The following ERG variants were observed in gnomAD, a reference collection of about 807,000 sequenced individuals.
The protein encoded by ERG is transcriptional regulator ERG.
A neutral mutation model predicts 55.3 loss-of-function variants in ERG; 9 were observed. The ratio of observed to expected loss-of-function variants is 0.16; its 90% confidence interval spans 0.10 to 0.28. The LOEUF (loss-of-function observed/expected upper bound fraction) is 0.28. ERG is among the 10% of genes least tolerant of loss of function. ERG has a pLI of 1.00. For synonymous variants in ERG, 223 were observed against 237.3 expected (o/e 0.94, Z 0.55); for missense variants, 434 against 631.6 (o/e 0.69, Z 3.35).
intron 1 of ERG, among the ~76,000 whole-genome samples, chr21:38,623,617 G>C (rs905349284): frequency 6.6e-6 from 1 of 152,204 alleles, no homozygotes; most frequent in African/African-American, 2.4e-5. Flanking sequence ...GTGTGTGTTA[G>C]TTTGTTGCAG....
chr21:38,429,405 ACATACG>A (rs1185238409), intron 2 of ERG, among the ~76,000 whole-genome samples: 2 of 140,060 alleles, frequency 1.4e-5, no homozygotes, highest in African/African-American at 5.1e-5. Context: ...ATACACATGT[ACATACG>A]CACATATAAA....
At chr21:38,602,323 T>C (rs1158894956) in intron 1 of ERG, among the ~76,000 whole-genome samples, 1 of 151,940 alleles carries the variant, frequency 6.6e-6, no homozygotes, top group Non-Finnish European at 1.5e-5. Flanking sequence ...TGGGTGCCTG[T>C]AGTCCCAGCT....
chr21:38,403,481 A>C, intron 4 of ERG, 25 bp downstream of exon 4: 1 of 1,610,184 alleles, frequency 6.2e-7, no homozygotes. Context: ...ACAGCCATCT[A>C]TCCTTGGAGG....
intron 1 of ERG, among the ~76,000 whole-genome samples, chr21:38,650,671 G>GTT (rs2060483726): frequency 6.6e-6 from 1 of 152,098 alleles, no homozygotes; most frequent in South Asian, 2.1e-4. Flanking sequence ...GAGTGGCATA[G>GTT]TTAAAAGGGT....
At chr21:38,637,584 A>G (rs1376379732) in intron 1 of ERG, among the ~76,000 whole-genome samples, 1 of 152,188 alleles carries the variant, frequency 6.6e-6, no homozygotes, top group African/African-American at 2.4e-5. Context: ...GCTACTGTCT[A>G]CAGGATCCTA....
intron 2 of ERG, among the ~76,000 whole-genome samples, chr21:38,572,193 A>AG (rs34049970): frequency 3.6e-4 from 1 of 2,786 alleles, no homozygotes. Flanking sequence ...CGTCTCTACT[A>AG]AAAAAAAAAA....
intron 1 of ERG, among the ~76,000 whole-genome samples, chr21:38,649,043 C>G (rs2060473368): frequency 6.6e-6 from 1 of 152,164 alleles, no homozygotes; most frequent in Non-Finnish European, 1.5e-5. Flanking sequence ...CCTGAATCCA[C>G]CCACACATCT....
At chr21:38,640,898 G>C (rs1368635028) in intron 1 of ERG, among the ~76,000 whole-genome samples, 5 of 152,302 alleles carry the variant, frequency 3.3e-5, no homozygotes, top group Admixed American at 6.5e-5. Context: ...GCAGAGAACT[G>C]CTATTTTTCA....
At chr21:38,623,222 C>T (rs766735474) in intron 1 of ERG, among the ~76,000 whole-genome samples, 49 of 150,836 alleles carry the variant, frequency 3.2e-4, no homozygotes, top group African/African-American at 7.3e-5. Context: ...ACACATCACA[C>T]ACACACAGAC....
chr21:38,431,074 T>A (rs1335535870), intron 2 of ERG, among the ~76,000 whole-genome samples: 6 of 152,220 alleles, frequency 3.9e-5, no homozygotes, highest in Non-Finnish European at 8.8e-5. Context: ...GTTGGAGAAT[T>A]AAGTTCTAAT....
chr21:38,520,207 A>C (rs868401835), intron 2 of ERG, among the ~76,000 whole-genome samples: 1 of 152,272 alleles, frequency 6.6e-6, no homozygotes, highest in South Asian at 2.1e-4. Flanking sequence ...TTAGATATGA[A>C]GCATCAGGAG....
At chr21:38,598,838 A>G (rs1156494906) in intron 1 of ERG, among the ~76,000 whole-genome samples, 1 of 152,220 alleles carries the variant, frequency 6.6e-6, no homozygotes, top group Non-Finnish European at 1.5e-5. Flanking sequence ...AGGAGTTGGG[A>G]GACATCTGCA....
chr21:38,402,057 C>T (rs1309849651), intron 5 of ERG, among the ~76,000 whole-genome samples: 1 of 152,112 alleles, frequency 6.6e-6, no homozygotes, highest in Non-Finnish European at 1.5e-5. Flanking sequence ...CTTTTGCAAA[C>T]ATACAAAGTC....
At chr21:38,424,981 G>A (rs1639755836) in intron 2 of ERG, among the ~76,000 whole-genome samples, 1 of 152,218 alleles carries the variant, frequency 6.6e-6, no homozygotes, top group Admixed American at 6.5e-5. Context: ...TTTGGATAAA[G>A]TCAAACCTAC....
chr21:38,389,730 G>T (rs934320779), intron 9 of ERG, among the ~76,000 whole-genome samples: 36 of 151,358 alleles, frequency 2.4e-4, no homozygotes, highest in South Asian at 6.3e-4. Flanking sequence ...CGGACCAAAA[G>T]CACCCTGAGC....
chr21:38,390,338 A>G (rs919625416), intron 9 of ERG, among the ~76,000 whole-genome samples: 4 of 152,234 alleles, frequency 2.6e-5, no homozygotes, highest in African/African-American at 9.6e-5. Context: ...TCTCTTTTAA[A>G]AAATACTAGT....
At chr21:38,520,961 G>A (rs2059589967) in intron 2 of ERG, among the ~76,000 whole-genome samples, 1 of 152,108 alleles carries the variant, frequency 6.6e-6, no homozygotes. Context: ...TTCGAGACTG[G>A]GAATCACCAG....
At chr21:38,602,254 C>T (rs897694305) in intron 1 of ERG, among the ~76,000 whole-genome samples, 1 of 152,044 alleles carries the variant, frequency 6.6e-6, no homozygotes, top group Non-Finnish European at 1.5e-5. Context: ...ATCATCCTGG[C>T]TAACATGGTG....
At chr21:38,473,858 G>A (rs529831168) in intron 1 of ERG, among the ~76,000 whole-genome samples, 12 of 152,028 alleles carry the variant, frequency 7.9e-5, no homozygotes, top group South Asian at 4.2e-4. Flanking sequence ...ACATGTTTGC[G>A]TATGTATGCA....
Sources: gnomAD v4.1 joint callset for allele counts (sites outside exome capture counted in the v4.1 genomes callset) on GRCh38, gnomAD v4.1.1 for gene constraint, MANE v1.5 for transcripts, NCBI Gene and HGNC (gene_info 2026-07-23, HGNC 2026-07-21) for gene names.